The following EPB41L4A variants were observed in gnomAD, a reference collection of about 807,000 sequenced individuals.
EPB41L4A encodes band 4.1-like protein 4A.
EPB41L4A carries 100 observed loss-of-function variants against 108.6 expected under a neutral mutation model. The observed-to-expected ratio is 0.92, with a 90% CI of 0.78 to 1.09. EPB41L4A has a LOEUF of 1.09. Among genes scored for constraint, EPB41L4A ranks in the 50% least tolerant of loss-of-function variants. The probability of loss-of-function intolerance (pLI) is 0.00; values close to 1 mark genes in which losing one functional copy is unlikely to be tolerated. For missense variants in EPB41L4A, 1,030 were observed against 842.7 expected, an observed-to-expected ratio of 1.22 and a Z score of -2.75; for synonymous variants, 319 against 289.0, an observed-to-expected ratio of 1.10 and a Z score of -1.05.
At chr5:112,160,056 G>T (rs1759799251), downstream of EPB41L4A, among the ~76,000 whole-genome samples, 1 of 149,662 alleles carries the variant, frequency 6.7e-6, no homozygotes, top group African/African-American at 2.5e-5. Context: ...GATTATAGAC[G>T]CCCGCCACCA....
At chr5:112,309,978 G>GT (rs1379525035) in intron 1 of EPB41L4A, among the ~76,000 whole-genome samples, 1 of 152,150 alleles carries the variant, frequency 6.6e-6, no homozygotes, top group Non-Finnish European at 1.5e-5. Context: ...GCCAACAAGG[G>GT]TTTGGAAGTC....
chr5:112,394,355 C>T (rs1033332121), intron 1 of EPB41L4A, among the ~76,000 whole-genome samples: 2 of 152,108 alleles, frequency 1.3e-5, no homozygotes, highest in African/African-American at 4.8e-5. Context: ...AATCTCGGCC[C>T]AAAATCTCCT....
At chr5:112,293,468 C>T (rs1753789974) in intron 2 of EPB41L4A, among the ~76,000 whole-genome samples, 4 of 152,128 alleles carry the variant, frequency 2.6e-5, no homozygotes. Flanking sequence ...CCTCCCTAAA[C>T]CTAGAAACCG....
intron 17 of EPB41L4A, among the ~76,000 whole-genome samples, chr5:112,189,628 C>A (rs1449324557): frequency 6.6e-6 from 1 of 152,146 alleles, no homozygotes; most frequent in African/African-American, 2.4e-5. Context: ...TCTCGTTTCT[C>A]TGTTTTAATA....
At chr5:112,375,974 C>G (rs916507901) in intron 1 of EPB41L4A, among the ~76,000 whole-genome samples, 1 of 152,050 alleles carries the variant, frequency 6.6e-6, no homozygotes, top group Non-Finnish European at 1.5e-5. Context: ...ATAACTGTCC[C>G]CAGGGGTTGG....
At chr5:112,357,111 G>A (rs899182104) in intron 1 of EPB41L4A, among the ~76,000 whole-genome samples, 7 of 152,162 alleles carry the variant, frequency 4.6e-5, no homozygotes, top group African/African-American at 1.2e-4. Context: ...TTGTGATGCA[G>A]CAGATCCAAT....
rs541373504 is a variant in EPB41L4A, at chr5:112,145,149, G to T, written n.1112+732C>A. ...TACTAAAAATACAAAAATTAGCCAG[G>T]CGTGGTGGCACAAACCTGTAATCCC... On this transcript the variant is annotated intron_variant and non_coding_transcript_variant, in intron 13 of 13. Transcript: ENST00000507810. Among the ~76,000 whole-genome samples the T allele has an allele frequency of 7.9e-5, 12 of 152,260 alleles. No homozygotes were observed. In the South Asian group the frequency reaches 2.5e-3, roughly 32 times the overall value.
At chr5:112,219,422 C>G (rs1580457693) in intron 12 of EPB41L4A, among the ~76,000 whole-genome samples, 1 of 152,330 alleles carries the variant, frequency 6.6e-6, no homozygotes, top group East Asian at 1.9e-4. Context: ...CCAAGTGGAA[C>G]TGTGAGTCTT....
chr5:112,245,808 G>A (rs905312235), intron 9 of EPB41L4A, among the ~76,000 whole-genome samples: 7 of 152,134 alleles, frequency 4.6e-5, no homozygotes, highest in Admixed American at 3.3e-4. Context: ...GGATGAAGGT[G>A]GAATCACTGC....
chr5:112,222,209 C>G (rs1480187922), intron 12 of EPB41L4A, among the ~76,000 whole-genome samples: 3 of 152,198 alleles, frequency 2.0e-5, no homozygotes, highest in Non-Finnish European at 4.4e-5. Flanking sequence ...CAAGTTAGAG[C>G]TACTGAAGAA....
intron 17 of EPB41L4A, among the ~76,000 whole-genome samples, chr5:112,187,245 C>T (rs1271865358): frequency 6.6e-6 from 1 of 152,162 alleles, no homozygotes; most frequent in African/African-American, 2.4e-5. Flanking sequence ...AACTAACAAA[C>T]ATTTATTTCC....
At chr5:112,227,001 G>A (rs1184678808) in intron 12 of EPB41L4A, among the ~76,000 whole-genome samples, 3 of 149,346 alleles carry the variant, frequency 2.0e-5, no homozygotes, top group African/African-American at 7.4e-5. Context: ...AAAAAGGCTT[G>A]GACTAAATGC....
chr5:112,339,528 C>A (rs13170306), intron 1 of EPB41L4A, among the ~76,000 whole-genome samples: 1,260 of 25,268 alleles, frequency 0.05, 23 homozygotes, highest in African/African-American at 0.084. Flanking sequence ...AGATATATAT[C>A]TATATATATA....
intron 1 of EPB41L4A, among the ~76,000 whole-genome samples, chr5:112,319,334 A>G (rs1458066110): frequency 1.3e-5 from 2 of 152,236 alleles, no homozygotes; most frequent in African/African-American, 4.8e-5. Context: ...GTGAATATAA[A>G]TACATGTGTG....
chr5:112,161,671 GT>G, downstream of EPB41L4A: 1 of 512,550 alleles, frequency 2.0e-6, no homozygotes, highest in Admixed American at 2.0e-5. Flanking sequence ...TAAGTGTATG[GT>G]TTCTCTTAGC....
At chr5:112,225,408 T>C (rs1365962851) in intron 12 of EPB41L4A, among the ~76,000 whole-genome samples, 2 of 152,222 alleles carry the variant, frequency 1.3e-5, no homozygotes, top group African/African-American at 4.8e-5. Context: ...TCTTTCTCTG[T>C]AAATCACAAT....
chr5:112,264,984 T>G lies in EPB41L4A; in HGVS notation c.466A>C (p.Thr156Pro). The G allele has an allele frequency of 1.2e-6, 2 of 1,608,964 alleles. No individual in the cohort carries two copies. Among genetic ancestry groups the G allele is most frequent in the South Asian group, 1.1e-5 (1 of 89,766 alleles). ...ELGDYDPYKH[T>P]AGYVSEYRFV... is the part of the protein sequence containing the mutation. The stretch of plus-strand genomic sequence containing the variant: ...CGGTACTCAGATACATATCCTGCAG[T>G]ATGTTTATATGGGTCATAATCTCCA... Residue 156 changes from threonine (T) to proline (P), a missense_variant, in exon 6 of 23, where the codon ACT (threonine) becomes CCT (proline). Coordinates refer to ENST00000261486, the MANE Select transcript of EPB41L4A (RefSeq NM_022140.5).
In EPB41L4A at chr5:112,400,597, G is replaced by C. The variant is rs1022157537; in HGVS notation, c.99+18344C>G. ...ACTTTTAAATGACCAGGTCTTGCAAGAACTCATTCACTAATGCAAAGACAG... is the reference window on the plus strand; with the variant it reads ...ACTTTTAAATGACCAGGTCTTGCAACAACTCATTCACTAATGCAAAGACAG... On this transcript the variant is annotated intron_variant, in intron 1 of 22. Coordinates refer to ENST00000261486, the MANE Select transcript of EPB41L4A (RefSeq NM_022140.5). 1.7e-4 allele frequency among the ~76,000 whole-genome samples: 26 copies of C among 152,038 alleles called. 1 individual carries two copies. Among genetic ancestry groups the C allele is most frequent in the African/African-American group, 6.3e-4 (26 of 41,390 alleles).
intron 1 of EPB41L4A, among the ~76,000 whole-genome samples, chr5:112,372,620 G>A (rs1759562489): frequency 6.6e-6 from 1 of 152,180 alleles, no homozygotes; most frequent in Non-Finnish European, 1.5e-5. Context: ...GATGGTGGGT[G>A]GAGGGGAAAG....
Sources: allele counts gnomAD v4.1 joint callset (sites outside exome capture counted in the v4.1 genomes callset), GRCh38; gene constraint gnomAD v4.1.1; transcripts MANE v1.5; gene names NCBI Gene and HGNC (gene_info 2026-07-23, HGNC 2026-07-21).